The following SEL1L3 variants were observed in gnomAD, a reference collection of about 807,000 sequenced individuals.
SEL1L3 encodes protein sel-1 homolog 3.
Under a neutral mutation model 142.8 loss-of-function variants are expected in SEL1L3, and 76 were observed. The observed-to-expected ratio is 0.53, with a 90% CI of 0.44 to 0.64. The LOEUF is 0.64. Ranked by LOEUF, SEL1L3 falls within the 30% of genes least tolerant of loss-of-function variation. The probability of loss-of-function intolerance (pLI) is 0.00; values close to 1 mark genes in which losing one functional copy is unlikely to be tolerated. For synonymous variants in SEL1L3, 504 were observed against 519.6 expected, an observed-to-expected ratio of 0.97 and a Z score of 0.41; for missense variants, 1,262 against 1,381.7, an observed-to-expected ratio of 0.91 and a Z score of 1.37.
chr4:25,730,917 G>C, the SEL1L3 span, among the ~76,000 whole-genome samples: 1 of 152,140 alleles, frequency 6.6e-6, no homozygotes, highest in Non-Finnish European at 1.5e-5. Flanking sequence ...TGTAATTCCA[G>C]CTACACAGCA....
intron 2 of SEL1L3, among the ~76,000 whole-genome samples, chr4:25,840,511 T>C (rs1481745221): frequency 6.6e-6 from 1 of 152,178 alleles, no homozygotes; most frequent in African/African-American, 2.4e-5. Flanking sequence ...GATCTGAAGA[T>C]GAGAATGCAT....
At chr4:25,803,434 A>C (rs756044188) in intron 10 of SEL1L3, among the ~76,000 whole-genome samples, 11 of 152,200 alleles carry the variant, frequency 7.2e-5, no homozygotes, top group Non-Finnish European at 1.3e-4. Flanking sequence ...GCCTCCCCAA[A>C]CCACGCATAC....
chr4:25,798,426 C>A (rs1245690910), intron 11 of SEL1L3, among the ~76,000 whole-genome samples: 1 of 151,932 alleles, frequency 6.6e-6, no homozygotes, highest in Admixed American at 6.6e-5. Context: ...TGAGACCCTC[C>A]ATGGTGGATT....
intron 9 of SEL1L3, 67 bp from the exon 10 acceptor site, chr4:25,804,819 G>C: frequency 8.3e-7 from 1 of 1,201,286 alleles, no homozygotes; most frequent in Non-Finnish European, 1.2e-6. Flanking sequence ...TTTAGAAAAA[G>C]AGGAAAAGCC....
intron 15 of SEL1L3, among the ~76,000 whole-genome samples, chr4:25,781,152 A>G (rs1719974048): frequency 6.6e-6 from 1 of 152,014 alleles, no homozygotes; most frequent in Admixed American, 6.6e-5. Context: ...GCCCTCCTGA[A>G]CTTGTTTTAG....
At chr4:25,746,545 A>AATATATATATATTTAAATAT (rs372226693), downstream of SEL1L3, among the ~76,000 whole-genome samples, 159 of 123,478 alleles carry the variant, frequency 1.3e-3, 1 homozygote, top group African/African-American at 4.4e-3. Context: ...TATATATTCA[A>AATATATATATATTTAAATAT]ATGTATATAT....
chr4:25,788,269 C>A lies in SEL1L3; in HGVS notation c.2172G>T (p.Thr724=). 3 of 1,613,950 alleles carry A rather than the reference C, an allele frequency of 1.9e-6. No individual in the cohort carries two copies. Among genetic ancestry groups the A allele is most frequent in the Non-Finnish European group, 2.5e-6 (3 of 1,179,866 alleles). ...AGTCATAGATTAACGCAGGATCCTC[C>A]GTCTCCAGGGCGCCCTTGGCGTACC... ...IEWYAKGALE[T]EDPALIYDYA... The change falls in exon 13 of 24, where the codon ACG becomes ACT. Residue 724 remains threonine, a synonymous_variant. Transcript: ENST00000399878. The surrounding 1 kb of genome is among the most constrained non-coding windows in gnomAD (Gnocchi z 5.3).
At chr4:25,738,786 C>A in the SEL1L3 span, among the ~76,000 whole-genome samples, 1 of 152,196 alleles carries the variant, frequency 6.6e-6, no homozygotes, top group Non-Finnish European at 1.5e-5. Context: ...TTTCCTCACA[C>A]AGTCCCTCTC....
chr4:25,796,966 G>A (rs887263928), intron 11 of SEL1L3, among the ~76,000 whole-genome samples: 3 of 151,014 alleles, frequency 2.0e-5, no homozygotes, highest in African/African-American at 7.3e-5. Context: ...GAGGGAGAGA[G>A]AAGAAGGGGT....
chr4:25,848,122 A>G (rs1025547515), intron 1 of SEL1L3, among the ~76,000 whole-genome samples: 2 of 152,232 alleles, frequency 1.3e-5, no homozygotes, highest in African/African-American at 4.8e-5. Flanking sequence ...TGTGACTGTC[A>G]CATCTACATG....
Position 25,862,877 on chromosome 4 carries a change from T to C in SEL1L3, c.-41A>G. 9.4e-7 allele frequency: 1 copy of C among 1,065,800 alleles called. No individual in the cohort carries two copies. 66.0% of individuals were successfully genotyped at this position (1,065,800 alleles called of 1,614,324 possible). A position where few individuals can be genotyped will look rare whatever the true frequency, so the allele number is the denominator to read the frequency against. On this transcript the variant is annotated 5_prime_UTR_variant, in exon 1 of 24. Coordinates refer to ENST00000399878, the MANE Select transcript of SEL1L3 (RefSeq NM_015187.5). Reference sequence around the variant, plus strand: ...ATCCGGGCCGGAACAGGTCACCTGGTGCAGGGACCGGCCCCCGCCCGAGGC... The same window carrying C: ...ATCCGGGCCGGAACAGGTCACCTGGCGCAGGGACCGGCCCCCGCCCGAGGC...
At chr4:25,721,926 G>A in the SEL1L3 span, among the ~76,000 whole-genome samples, 1 of 152,164 alleles carries the variant, frequency 6.6e-6, no homozygotes, top group Non-Finnish European at 1.5e-5. Context: ...TTTGCCATGA[G>A]ATTGCTGGAG....
In SEL1L3 at chr4:25,806,078, G is replaced by C. The variant is rs1235822479; in HGVS notation, c.1565-1326C>G. Among the ~76,000 whole-genome samples the C allele has an allele frequency of 4.3e-5, 6 of 139,526 alleles. No homozygotes were observed. In the East Asian group the frequency reaches 1.2e-3, roughly 29 times the overall value. The allele number at this position is 139,526 out of a possible 152,430, so 91.5% of individuals were successfully genotyped here. A position where few individuals can be genotyped will look rare whatever the true frequency, so the allele number is the denominator to read the frequency against. Reference sequence around the variant, plus strand: ...TTTTGAGATGGAGTCTTGCTCTGTCGCCCAGGCTGGAGTGCAGTGGCGCGA... The same window carrying C: ...TTTTGAGATGGAGTCTTGCTCTGTCCCCCAGGCTGGAGTGCAGTGGCGCGA... On this transcript the variant is annotated intron_variant, in intron 9 of 23. Coordinates refer to ENST00000399878, the MANE Select transcript of SEL1L3 (RefSeq NM_015187.5).
chr4:25,825,208 T>A (rs1230325504), intron 6 of SEL1L3, among the ~76,000 whole-genome samples: 1 of 152,148 alleles, frequency 6.6e-6, no homozygotes, highest in Non-Finnish European at 1.5e-5. Context: ...TTTTAAATTG[T>A]CATTATTATC....
chr4:25,830,094 T>C lies in SEL1L3; in HGVS notation c.1157+4A>G. On this transcript the variant is annotated splice_donor_region_variant and intron_variant, in intron 6 of 23. Coordinates refer to ENST00000399878, the MANE Select transcript of SEL1L3 (RefSeq NM_015187.5). ...TTTTGAATAAAAAGAAAAATCGCACTTACCTAATGGTCTGATTGTGGTAGC... is the reference window on the plus strand; with the variant it reads ...TTTTGAATAAAAAGAAAAATCGCACCTACCTAATGGTCTGATTGTGGTAGC... 1 of 1,603,672 alleles carries C rather than the reference T, an allele frequency of 6.2e-7. No individual in the cohort carries two copies. Among genetic ancestry groups the C allele is most frequent in the Non-Finnish European group, 8.5e-7 (1 of 1,170,916 alleles).
chr4:25,856,844 A>T (rs891835652), intron 1 of SEL1L3, among the ~76,000 whole-genome samples: 15 of 152,236 alleles, frequency 9.9e-5, no homozygotes, highest in African/African-American at 3.4e-4. Context: ...TTGCTCAAAG[A>T]GCTGAGAAAA....
At position 25,757,680 on chromosome 4, in the gene SEL1L3, A is replaced by T. The variant is rs747819779; in HGVS notation, c.3186+8T>A. The T allele has an allele frequency of 3.2e-6, 5 of 1,581,574 alleles. No homozygotes were observed. The highest frequency in any genetic ancestry group is 4.3e-6 in the Non-Finnish European group (5 of 1,164,050). ...ACAAGGGTGGGGCCGGTGGGACATG[A>T]AACCTACCAGGGCTGAGTGCAGGAT... On this transcript the variant is annotated splice_region_variant and intron_variant, in intron 22 of 23. Transcript: ENST00000399878.
chr4:25,789,709 C>T (rs565600498), intron 12 of SEL1L3, among the ~76,000 whole-genome samples: 17 of 152,148 alleles, frequency 1.1e-4, no homozygotes, highest in Admixed American at 2.6e-4. Context: ...AGACTCTTCC[C>T]GATGTTGCTG....
the SEL1L3 span, among the ~76,000 whole-genome samples, chr4:25,734,955 A>G: frequency 6.6e-6 from 1 of 151,880 alleles, no homozygotes; most frequent in African/African-American, 2.4e-5. Flanking sequence ...TTAAGGTAAC[A>G]CTAACCTAAT....
Sources: gnomAD v4.1 joint callset for allele counts (sites outside exome capture counted in the v4.1 genomes callset) on GRCh38, gnomAD v4.1.1 for gene constraint, Gnocchi (gnomAD v3.1) non-coding constraint, MANE v1.5 for transcripts, NCBI Gene and HGNC (gene_info 2026-07-23, HGNC 2026-07-21) for gene names.